GARNL3: variants seen among roughly 807,000 people sequenced by gnomAD.
GARNL3 encodes the protein GTPase-activating Rap/Ran-GAP domain-like protein 3.
In GARNL3, 63 loss-of-function variants were observed where a neutral mutation model predicts 125.0. The ratio of observed to expected loss-of-function variants is 0.50; its 90% CI spans 0.41 to 0.62. GARNL3 has a LOEUF of 0.62. Among genes scored for constraint, GARNL3 ranks in the 20% least tolerant of loss-of-function variants. The probability of loss-of-function intolerance (pLI) is 0.00; values close to 1 mark genes in which losing one functional copy is unlikely to be tolerated. For missense variants in GARNL3, 994 were observed against 1,244.0 expected, an observed-to-expected ratio of 0.80 and a Z score of 3.02; for synonymous variants, 439 against 457.5, an observed-to-expected ratio of 0.96 and a Z score of 0.52.
intron 22 of GARNL3, among the ~76,000 whole-genome samples, chr9:127,382,304 A>T (rs982822418): frequency 6.6e-6 from 1 of 152,154 alleles, no homozygotes; most frequent in Non-Finnish European, 1.5e-5. Context: ...CGTCTCAAAA[A>T]TTAAAAATAA....
chr9:127,274,330 G>C (rs1024327426), intron 1 of GARNL3, among the ~76,000 whole-genome samples: 2 of 152,164 alleles, frequency 1.3e-5, no homozygotes, highest in South Asian at 2.1e-4. Flanking sequence ...GTCACAAACT[G>C]TAACAAATCC....
At chr9:127,231,584 A>C (rs571767144) in intron 1 of GARNL3, among the ~76,000 whole-genome samples, 1 of 152,310 alleles carries the variant, frequency 6.6e-6, no homozygotes, top group South Asian at 2.1e-4. Flanking sequence ...AATCCTGAAG[A>C]TCAAATAATC....
chr9:127,328,490 G>A (rs1220569081), intron 7 of GARNL3, among the ~76,000 whole-genome samples: 2 of 152,168 alleles, frequency 1.3e-5, no homozygotes, highest in Non-Finnish European at 2.9e-5. Flanking sequence ...GTAAAATGAT[G>A]TCAGTGTCCT....
At chr9:127,265,401 G>C (rs1301345718) in intron 1 of GARNL3, among the ~76,000 whole-genome samples, 1 of 152,014 alleles carries the variant, frequency 6.6e-6, no homozygotes, top group Non-Finnish European at 1.5e-5. Context: ...TACGTATTCT[G>C]ATTTTCTGTA....
At chr9:127,382,414 G>A (rs1199739848) in intron 22 of GARNL3, among the ~76,000 whole-genome samples, 2 of 151,990 alleles carry the variant, frequency 1.3e-5, no homozygotes, top group Non-Finnish European at 2.9e-5. Context: ...CTCAGGAGTT[G>A]GAAACCAGGC....
At chr9:127,369,934 A>G (rs899504930) in intron 22 of GARNL3, among the ~76,000 whole-genome samples, 20 of 152,328 alleles carry the variant, frequency 1.3e-4, no homozygotes, top group Admixed American at 1.2e-3. Flanking sequence ...CCATCAGGAC[A>G]CAGTGGGAAG....
rs535182078 is a variant in GARNL3 at position 127,266,548 on chromosome 9, G to T, written c.144+1527G>T. On this transcript the variant is annotated intron_variant, in intron 1 of 27. Transcript: ENST00000373387. This position sits in a 1 kb window ranked among gnomAD's most constrained non-coding sequence, Gnocchi z 4.0. ...AATGCTGAAGAACATGTGATCTGAAGTCATTCTTGTTTCATCATTCACTAA... is the reference window on the plus strand; with the variant it reads ...AATGCTGAAGAACATGTGATCTGAATTCATTCTTGTTTCATCATTCACTAA... 1.8e-4 allele frequency among the ~76,000 whole-genome samples: 27 copies of T among 152,258 alleles called. 1 individual carries two copies. The South Asian group carries it at 5.6e-3, about 32-fold the overall frequency.
At chr9:127,317,946 C>T in intron 4 of GARNL3, 117 bp from the exon 5 acceptor site, 1 of 756,250 alleles carries the variant, frequency 1.3e-6, no homozygotes, top group East Asian at 2.4e-5. Context: ...CATATACATT[C>T]CCCTTGAGGA....
intron 20 of GARNL3, among the ~76,000 whole-genome samples, chr9:127,355,697 G>A (rs1342198723): frequency 2.6e-5 from 4 of 152,190 alleles, no homozygotes; most frequent in East Asian, 1.9e-4. Context: ...AGGACACAGC[G>A]ATGACCAAAA....
chr9:127,367,805 C>T (rs1344987895), intron 22 of GARNL3, among the ~76,000 whole-genome samples: 4 of 152,076 alleles, frequency 2.6e-5, no homozygotes, highest in African/African-American at 4.8e-5. Context: ...CATATTTAAC[C>T]TCACTAAGTC....
intron 1 of GARNL3, among the ~76,000 whole-genome samples, chr9:127,228,798 C>G (rs963499745): frequency 2.0e-5 from 3 of 152,042 alleles, no homozygotes; most frequent in Non-Finnish European, 4.4e-5. Context: ...TTAGTCAGAT[C>G]TTCCTCCTGT....
At chr9:127,354,270 C>T (rs778943145) in intron 18 of GARNL3, 24 bp from the exon 19 acceptor site, 1 of 1,572,262 alleles carries the variant, frequency 6.4e-7, no homozygotes, top group Non-Finnish European at 8.7e-7. Flanking sequence ...TTAATCTCCT[C>T]CTCTGTCTTT....
chr9:127,292,647 C>T (rs1195669690), intron 2 of GARNL3, among the ~76,000 whole-genome samples: 3 of 152,244 alleles, frequency 2.0e-5, no homozygotes, highest in Admixed American at 6.5e-5. Flanking sequence ...CTGCCGCATC[C>T]AGTGTCTGGA....
At position 127,357,368 on chromosome 9, in the gene GARNL3, G is replaced by A; in HGVS notation, c.2085G>A (p.Glu695=). The A allele has an allele frequency of 6.2e-7, 1 of 1,613,792 alleles. No individual in the cohort carries two copies. The highest frequency in any genetic ancestry group is 1.1e-5 in the South Asian group (1 of 91,054). The stretch of plus-strand genomic sequence containing the variant: ...AAGCCTTCAGGCTGCACCACGTGGA[G>A]GCCAACAGGGTAAGCCAGCGGTTGT... ...TGEAFRLHHV[E]ANRVNFVAAI... Residue 695 remains glutamate (E), a synonymous_variant, in exon 21 of 28, where the codon GAG becomes GAA. Coordinates refer to ENST00000373387, the MANE Select transcript of GARNL3 (RefSeq NM_032293.5).
chr9:127,231,228 G>T (rs28588453), intron 1 of GARNL3, among the ~76,000 whole-genome samples: 13,769 of 100,226 alleles, frequency 0.14, 2,899 homozygotes, highest in African/African-American at 0.47. Context: ...CTAATTTTTT[G>T]TTTTTTTTTT....
At chr9:127,284,996 A>T (rs116071919) in intron 1 of GARNL3, among the ~76,000 whole-genome samples, 193 of 152,256 alleles carry the variant, frequency 1.3e-3, no homozygotes, top group African/African-American at 4.5e-3. Flanking sequence ...TAGGCACAAT[A>T]GGCTGAGATG....
intron 22 of GARNL3, among the ~76,000 whole-genome samples, chr9:127,377,895 AAG>A (rs1377717338): frequency 6.6e-6 from 1 of 152,196 alleles, no homozygotes; most frequent in East Asian, 1.9e-4. Flanking sequence ...ATAAAATTAA[AAG>A]AGAAACAGCA....
At chr9:127,274,123 A>C (rs528956454) in intron 1 of GARNL3, among the ~76,000 whole-genome samples, 1 of 152,350 alleles carries the variant, frequency 6.6e-6, no homozygotes, top group South Asian at 2.1e-4. Context: ...CGTTAACAGC[A>C]TAATCCTTCT....
chr9:127,226,006 C>T (rs986663661), intron 1 of GARNL3, among the ~76,000 whole-genome samples: 1 of 152,220 alleles, frequency 6.6e-6, no homozygotes, highest in African/African-American at 2.4e-5. Flanking sequence ...GCTTCGACGT[C>T]GCTCAAGTCG....
Sources: allele counts gnomAD v4.1 joint callset (sites outside exome capture counted in the v4.1 genomes callset), GRCh38; gene constraint gnomAD v4.1.1; non-coding constraint Gnocchi (gnomAD v3.1); transcripts MANE v1.5; gene names NCBI Gene and HGNC (gene_info 2026-07-23, HGNC 2026-07-21).